Variants in TUSC3 observed in about 807,000 individuals in gnomAD.
The protein encoded by TUSC3 is dolichyl-diphosphooligosaccharide--protein glycosyltransferase subunit TUSC3.
TUSC3 carries 45 observed loss-of-function variants against 44.8 expected under a neutral mutation model. The ratio of observed to expected loss-of-function variants is 1.00; its 90% confidence interval spans 0.79 to 1.29. The LOEUF (loss-of-function observed/expected upper bound fraction) is 1.29. Ranked by LOEUF, TUSC3 falls within the 50% of genes most tolerant of loss-of-function variation. The pLI, the probability that TUSC3 is intolerant of heterozygous loss-of-function variation, is 0.00. For missense variants in TUSC3, 519 were observed against 437.9 expected (o/e 1.19, Z -1.65); for synonymous variants, 212 against 152.9 (o/e 1.39, Z -2.85).
chr8:15,593,085 T>A (rs1248253671), intron 1 of TUSC3, among the ~76,000 whole-genome samples: 1 of 152,102 alleles, frequency 6.6e-6, no homozygotes, highest in Non-Finnish European at 1.5e-5. Flanking sequence ...ATGTGCTTTT[T>A]AAAAAAAAAT....
At chr8:15,523,702 G>A (rs377383659) in intron 2 of TUSC3, among the ~76,000 whole-genome samples, 68,534 of 111,364 alleles carry the variant, frequency 0.62, 22,007 homozygotes, top group African/African-American at 0.63. Flanking sequence ...GTGTGTGTGT[G>A]TGTGTGTATA....
At position 15,599,490 on chromosome 8, in the gene TUSC3, C is replaced by A. The variant is rs894512876; in HGVS notation, c.139-23590C>A. The stretch of plus-strand genomic sequence containing the variant: ...CTCATGGATCCTGCCTTTGGTATAT[C>A]TAAAAAGTCATCGCCATACCCAGTT... On this transcript the variant is annotated intron_variant, in intron 1 of 10. Transcript: ENST00000503731. 4.0e-5 allele frequency among the ~76,000 whole-genome samples: 6 copies of A among 151,806 alleles called. No individual in the cohort carries two copies. In the South Asian group the frequency reaches 1.0e-3, roughly 26 times the overall value.
downstream of TUSC3, chr8:15,766,785 C>G (rs1032060284): frequency 2.0e-5 from 3 of 152,086 alleles, no homozygotes; most frequent in Non-Finnish European, 4.4e-5. Flanking sequence ...CCCTTTCTTG[C>G]TATCACCTAA....
At chr8:15,585,583 G>A (rs917604436) in intron 1 of TUSC3, among the ~76,000 whole-genome samples, 5 of 152,166 alleles carry the variant, frequency 3.3e-5, no homozygotes, top group Admixed American at 2.6e-4. Flanking sequence ...TGAATTTCTT[G>A]TAGCTCCACC....
chr8:15,733,841 A>T (rs1029758145), intron 7 of TUSC3, among the ~76,000 whole-genome samples: 1 of 152,106 alleles, frequency 6.6e-6, no homozygotes, highest in East Asian at 1.9e-4. Context: ...GAGGAGTTTG[A>T]GACCAGCCTG....
intron 1 of TUSC3, among the ~76,000 whole-genome samples, chr8:15,605,844 A>T (rs560912640): frequency 5.3e-5 from 8 of 152,154 alleles, no homozygotes; most frequent in African/African-American, 1.9e-4. Flanking sequence ...TAACTGTAGT[A>T]CGTTATAGGC....
downstream of TUSC3, chr8:15,766,750 GT>G (rs1384043630): frequency 2.6e-5 from 4 of 152,102 alleles, no homozygotes; most frequent in African/African-American, 9.7e-5. Flanking sequence ...AGATGTTGCT[GT>G]AACCGTAGAG....
chr8:15,638,728 G>A (rs187911632), intron 2 of TUSC3, among the ~76,000 whole-genome samples: 39 of 152,148 alleles, frequency 2.6e-4, no homozygotes, highest in Admixed American at 9.2e-4. Flanking sequence ...GTTTCACCAT[G>A]TTGGCCAGGC....
chr8:15,434,425 C>CA (rs954596975), intron 1 of TUSC3, among the ~76,000 whole-genome samples: 14 of 149,424 alleles, frequency 9.4e-5, no homozygotes, highest in African/African-American at 3.5e-4. Context: ...TGTGACTTTT[C>CA]TTTTTTTTAG....
the TUSC3 span, among the ~76,000 whole-genome samples, chr8:15,819,730 G>C: frequency 6.6e-6 from 1 of 152,260 alleles, no homozygotes; most frequent in South Asian, 2.1e-4. Context: ...AATATCTCTT[G>C]TAGAAAGATG....
intron 1 of TUSC3, among the ~76,000 whole-genome samples, chr8:15,574,243 CCTT>C (rs1310405212): frequency 3.9e-5 from 6 of 152,090 alleles, no homozygotes; most frequent in Admixed American, 1.3e-4. Context: ...TTGCGTTTCT[CCTT>C]CTCTCTCTTT....
intron 1 of TUSC3, among the ~76,000 whole-genome samples, chr8:15,597,628 G>T (rs1389082201): frequency 6.6e-6 from 1 of 151,980 alleles, no homozygotes; most frequent in East Asian, 1.9e-4. Flanking sequence ...TTTGAGCATT[G>T]GATATGTATA....
At chr8:15,702,429 A>G (rs1809444752) in intron 6 of TUSC3, among the ~76,000 whole-genome samples, 1 of 152,156 alleles carries the variant, frequency 6.6e-6, no homozygotes, top group Non-Finnish European at 1.5e-5. Context: ...TTTCTTTGAA[A>G]TGCTTAATAG....
At chr8:15,682,641 C>T (rs368505748) in intron 6 of TUSC3, among the ~76,000 whole-genome samples, 48 of 152,092 alleles carry the variant, frequency 3.2e-4, no homozygotes, top group African/African-American at 1.1e-3. Flanking sequence ...AGACTGTTTA[C>T]ATTCAACGTT....
In TUSC3 at chr8:15,617,132, G is replaced by GTGTGTGTGTGTGTGTGTGTGTGTT. The variant is rs375212684; in HGVS notation, c.139-5947_139-5946insGTGTGTGTGTGTGTGTGTGTGTTT. Among the ~76,000 whole-genome samples the GTGTGTGTGTGTGTGTGTGTGTGTT allele has an allele frequency of 2.1e-4, 16 of 77,644 alleles. No homozygotes were observed. The South Asian group carries it at 2.1e-3, about 10-fold the overall frequency. 50.9% of individuals were successfully genotyped at this position (77,644 alleles called of 152,430 possible). On this transcript the variant is annotated intron_variant, in intron 1 of 10. Coordinates refer to ENST00000503731, the MANE Select transcript of TUSC3 (RefSeq NM_006765.4). Reference sequence around the variant, plus strand: ...ATCTATCTGTAAAATGTGTGTGTGTGTATATATTTTTTTTTTTTTTTTTTT... The same window carrying GTGTGTGTGTGTGTGTGTGTGTGTT: ...ATCTATCTGTAAAATGTGTGTGTGTGTGTGTGTGTGTGTGTGTGTGTGTTTATATATTTTTTTTTTTTTTTTTTT...
At chr8:15,587,756 T>G (rs1460305871) in intron 1 of TUSC3, among the ~76,000 whole-genome samples, 1 of 152,096 alleles carries the variant, frequency 6.6e-6, no homozygotes, top group African/African-American at 2.4e-5. Context: ...CTAATAACCA[T>G]AATTCTACTC....
rs181790721 is a variant in TUSC3, at chr8:15,452,960, A to G, written n.92-30426A>G. Among the ~76,000 whole-genome samples, 556 of 152,148 alleles carry G rather than the reference A, an allele frequency of 3.7e-3. 3 individuals carry two copies. Among genetic ancestry groups the G allele is most frequent in the Middle Eastern group, 0.01 (3 of 294 alleles). ...TAAGTTCTTTTATCCCTGCACCACC[A>G]GACCAGATAGCGACCACTCCCCCGT... is the stretch of plus-strand genomic sequence containing the variant. On this transcript the variant is annotated intron_variant and non_coding_transcript_variant, in intron 1 of 5. Transcript: ENST00000503191.
At chr8:15,497,415 G>A (rs886541194) in intron 2 of TUSC3, among the ~76,000 whole-genome samples, 3 of 152,178 alleles carry the variant, frequency 2.0e-5, no homozygotes, top group African/African-American at 7.2e-5. Context: ...CACTATCCAA[G>A]GATGTTTGCT....
intron 1 of TUSC3, among the ~76,000 whole-genome samples, chr8:15,588,519 C>T (rs1461135045): frequency 6.6e-6 from 1 of 152,104 alleles, no homozygotes; most frequent in Non-Finnish European, 1.5e-5. Flanking sequence ...TGTCTCTTCA[C>T]TCTGTTGTTT....
Sources: gnomAD v4.1 joint callset for allele counts (sites outside exome capture counted in the v4.1 genomes callset) on GRCh38, gnomAD v4.1.1 for gene constraint, MANE v1.5 for transcripts, NCBI Gene and HGNC (gene_info 2026-07-23, HGNC 2026-07-21) for gene names.